HEPH: variants seen among roughly 807,000 people sequenced by gnomAD.
HEPH encodes the protein hephaestin.
A neutral mutation model predicts 80.8 loss-of-function variants in HEPH; 69 were observed. That is an observed-to-expected ratio of 0.85 (90% CI 0.70 to 1.04). The LOEUF (loss-of-function observed/expected upper bound fraction) is 1.04. Ranked by LOEUF, HEPH falls within the 50% of genes least tolerant of loss-of-function variation. The pLI, the probability that HEPH is intolerant of heterozygous loss-of-function variation, is 0.00. For synonymous variants in HEPH, 431 were observed against 322.8 expected (o/e 1.34, Z -3.60); for missense variants, 1,115 against 891.3 (o/e 1.25, Z -3.20).
chrX:66,218,776 G>A (rs1038939498), intron 15 of HEPH, among the ~76,000 whole-genome samples: 4 of 111,027 alleles, frequency 3.6e-5, no homozygotes, highest in African/African-American at 1.3e-4. Context: ...GCATGCACCG[G>A]TAATTAGAAT....
chrX:66,239,033 C>A (rs1411301281), intron 15 of HEPH, among the ~76,000 whole-genome samples: 1 of 112,282 alleles, frequency 8.9e-6, no homozygotes, highest in Non-Finnish European at 1.9e-5. Context: ...TGCCCTCATT[C>A]CAGTAAACCC....
At chrX:66,241,175 T>C (rs2090560985) in intron 15 of HEPH, among the ~76,000 whole-genome samples, 1 of 112,325 alleles carries the variant, frequency 8.9e-6, no homozygotes, top group Admixed American at 9.4e-5. Context: ...GAATAGTCCA[T>C]GGACACTATT....
intron 6 of HEPH, among the ~76,000 whole-genome samples, chrX:66,190,369 A>T (rs1396953036): frequency 9.0e-6 from 1 of 110,985 alleles, no homozygotes. Flanking sequence ...TCTGGTTGGA[A>T]CTCAATAGAA....
intron 6 of HEPH, among the ~76,000 whole-genome samples, chrX:66,191,362 C>T (rs950301272): frequency 3.6e-5 from 4 of 112,225 alleles, no homozygotes; most frequent in African/African-American, 1.3e-4. Flanking sequence ...ACAGAACCTA[C>T]CTAACATAAT....
At chrX:66,211,502 C>T (rs1007147351) in intron 15 of HEPH, among the ~76,000 whole-genome samples, 6 of 111,326 alleles carry the variant, frequency 5.4e-5, no homozygotes, top group Non-Finnish European at 9.5e-5. Context: ...CACTCACCAC[C>T]CTTCCCAGTC....
At chrX:66,268,673 G>A (rs1489972983), downstream of HEPH, 4 of 111,832 alleles carry the variant, frequency 3.6e-5, no homozygotes, top group Non-Finnish European at 7.5e-5. Context: ...AGATGAGATG[G>A]AATGCATTTC....
intron 4 of HEPH, among the ~76,000 whole-genome samples, chrX:66,175,004 A>G: frequency 8.9e-6 from 1 of 111,736 alleles, no homozygotes; most frequent in Middle Eastern, 4.6e-3. Context: ...GTTGGCGTGC[A>G]AAAACTCTTT....
intron 17 of HEPH, among the ~76,000 whole-genome samples, 164 bp from the exon 18 acceptor site, chrX:66,258,676 A>T (rs2091259308): frequency 1.8e-5 from 2 of 112,093 alleles, no homozygotes; most frequent in African/African-American, 6.5e-5. Context: ...ATGTAAGAAG[A>T]TACCTTGAAG....
chrX:66,228,777 G>T (rs1233573261), intron 15 of HEPH, among the ~76,000 whole-genome samples: 1 of 112,109 alleles, frequency 8.9e-6, no homozygotes, highest in African/African-American at 3.2e-5. Flanking sequence ...GGAAAAAAAT[G>T]CTCAACAGCA....
chrX:66,211,508 C>T (rs1272568760), intron 15 of HEPH, among the ~76,000 whole-genome samples: 3 of 111,424 alleles, frequency 2.7e-5, no homozygotes, highest in Non-Finnish European at 5.7e-5. Flanking sequence ...CCACCCTTCC[C>T]AGTCTCTGTT....
At chrX:66,184,173 A>G (rs2087295836) in intron 4 of HEPH, among the ~76,000 whole-genome samples, 1 of 53,256 alleles carries the variant, frequency 1.9e-5, no homozygotes, top group Non-Finnish European at 2.8e-5. Flanking sequence ...AAAAATGTAT[A>G]TTCTGTTGAT....
chrX:66,191,450 C>T (rs538202803), intron 6 of HEPH, among the ~76,000 whole-genome samples: 1 of 111,975 alleles, frequency 8.9e-6, no homozygotes, highest in East Asian at 2.8e-4. Flanking sequence ...TTCAAATCTC[C>T]CTGGGATGCT....
At chrX:66,241,788 A>G (rs186329803) in intron 15 of HEPH, among the ~76,000 whole-genome samples, 80 of 111,562 alleles carry the variant, frequency 7.2e-4, no homozygotes, top group Admixed American at 3.0e-3. Flanking sequence ...AGAATAAAAT[A>G]CTTAGGAATA....
intron 15 of HEPH, among the ~76,000 whole-genome samples, chrX:66,240,760 AAAC>A (rs1443444491): frequency 8.9e-6 from 1 of 112,427 alleles, no homozygotes; most frequent in Admixed American, 9.4e-5. Context: ...AAGAAAACAC[AAAC>A]AACATTTTCA....
chrX:66,215,486 A>C (rs190372048), intron 15 of HEPH, among the ~76,000 whole-genome samples: 4 of 111,787 alleles, frequency 3.6e-5, no homozygotes, highest in Non-Finnish European at 5.6e-5. Flanking sequence ...TCTCTTTGCT[A>C]TGATTCCTTT....
At chrX:66,197,486 G>A (rs901468294) in intron 9 of HEPH, among the ~76,000 whole-genome samples, 197 bp from the exon 10 acceptor site, 1 of 111,665 alleles carries the variant, frequency 9.0e-6, no homozygotes, top group Non-Finnish European at 1.9e-5. Flanking sequence ...ATTTCATATA[G>A]CAAGTAATGG....
chrX:66,224,010 C>T (rs1250676460), intron 15 of HEPH, among the ~76,000 whole-genome samples: 2 of 110,758 alleles, frequency 1.8e-5, no homozygotes, highest in African/African-American at 3.3e-5. Context: ...TTTAAACAAC[C>T]AGTTAATGTA....
intron 15 of HEPH, among the ~76,000 whole-genome samples, chrX:66,232,995 G>C (rs1432882702): frequency 1.8e-5 from 2 of 110,794 alleles, no homozygotes; most frequent in African/African-American, 6.6e-5. Context: ...ATCAATTATA[G>C]TACCTTAAGA....
At chrX:66,260,030 G>C in intron 18 of HEPH, 70 bp from the exon 19 acceptor site, 1 of 1,034,642 alleles carries the variant, frequency 9.7e-7, no homozygotes, top group Non-Finnish European at 1.3e-6. Context: ...CAATTTTTTG[G>C]TTCCTGAAAG....
Sources: allele counts gnomAD v4.1 joint callset (sites outside exome capture counted in the v4.1 genomes callset), GRCh38; gene constraint gnomAD v4.1.1; transcripts MANE v1.5; gene names NCBI Gene and HGNC (gene_info 2026-07-23, HGNC 2026-07-21).